MZT2A: variants seen among roughly 807,000 people sequenced by gnomAD.
MZT2A encodes mitotic-spindle organizing protein 2A.
MZT2A carries 8 observed loss-of-function variants against 12.4 expected under a neutral mutation model. That is an observed-to-expected ratio of 0.64 (90% CI 0.38 to 1.16). The LOEUF (loss-of-function observed/expected upper bound fraction) is 1.16, where lower values mean the gene tolerates loss of function less well. MZT2A is among the 50% of genes most tolerant of loss of function. MZT2A has a pLI of 0.01. For missense variants in MZT2A, 181 were observed against 223.6 expected (o/e 0.81, Z 1.22); for synonymous variants, 88 against 107.5 (o/e 0.82, Z 1.12).
chr2:131,489,365 C>G lies in MZT2A; in HGVS notation c.319+2511G>C, dbSNP rs374479805. On this transcript the variant is annotated intron_variant, in intron 2 of 2. Transcript: ENST00000309451. ...GGGCGCCACCACCACGCCCACCTGGCTAGTTTTTTTTTTTTTTGAGATGGA... is the reference window on the plus strand; with the variant it reads ...GGGCGCCACCACCACGCCCACCTGGGTAGTTTTTTTTTTTTTTGAGATGGA... 6.7e-3 allele frequency: 922 copies of G among 138,608 alleles called. 17 individuals carry two copies. Among genetic ancestry groups the G allele is most frequent in the East Asian group, 0.053 (265 of 4,958 alleles). 8.6% of individuals were successfully genotyped at this position (138,608 alleles called of 1,614,324 possible).
intron 4 of MZT2A, chr2:131,470,116 C>T: frequency 4.9e-6 from 2 of 411,402 alleles, no homozygotes; most frequent in East Asian, 1.5e-4. Flanking sequence ...ACAGCATCCT[C>T]TTTCTGAGCT....
chr2:131,490,645 G>A (rs1302961878), intron 2 of MZT2A: 7 of 1,548,918 alleles, frequency 4.5e-6, no homozygotes, highest in African/African-American at 1.4e-5. Context: ...TGGGCCTCTT[G>A]GGGCCATGCA....
At chr2:131,474,785 A>C (rs1282340255) in intron 2 of MZT2A, among the ~76,000 whole-genome samples, 1 of 151,590 alleles carries the variant, frequency 6.6e-6, no homozygotes, top group Admixed American at 6.6e-5. Flanking sequence ...CCTTCAGGTC[A>C]GGAGTTCAAG....
chr2:131,482,937 C>G, downstream of MZT2A: 1 of 1,542,216 alleles, frequency 6.5e-7, no homozygotes, highest in Non-Finnish European at 8.7e-7. Context: ...AAAACCAAGC[C>G]CTCTGTGTGT....
intron 2 of MZT2A, among the ~76,000 whole-genome samples, chr2:131,476,616 T>C (rs1168158980): frequency 2.6e-5 from 4 of 152,152 alleles, no homozygotes; most frequent in Admixed American, 2.0e-4. Context: ...CAGACGCTGC[T>C]GCAACATTGC....
Position 131,492,392 on chromosome 2 carries a change from A to C in MZT2A, c.-16T>G, listed in dbSNP as rs1679369106. 1 of 1,285,090 alleles carries C rather than the reference A, an allele frequency of 7.8e-7. No individual in the cohort carries two copies. Among genetic ancestry groups the C allele is most frequent in the Non-Finnish European group, 9.8e-7 (1 of 1,024,844 alleles). 79.6% of individuals were successfully genotyped at this position (1,285,090 alleles called of 1,614,324 possible). On this transcript the variant is annotated 5_prime_UTR_variant, in exon 1 of 3. Coordinates refer to ENST00000309451, the MANE Select transcript of MZT2A (RefSeq NM_001085365.2). ...GCGCCGCCATCCGCGAGGCCCGCCG[A>C]AAGGTGCGCCCCGCCCCGCCGCGCC...
intron 2 of MZT2A, among the ~76,000 whole-genome samples, chr2:131,487,339 G>C (rs547833356): frequency 4.6e-5 from 7 of 152,112 alleles, no homozygotes; most frequent in East Asian, 3.9e-4. Flanking sequence ...AAATTAGCCA[G>C]GTGTGGTAGT....
At chr2:131,474,405 C>CTTTTTTTT (rs70994777) in intron 2 of MZT2A, among the ~76,000 whole-genome samples, 1 of 94,846 alleles carries the variant, frequency 1.1e-5, no homozygotes, top group Non-Finnish European at 2.0e-5. Context: ...TCTTCTTCTT[C>CTTTTTTTT]TTTTTTTTTT....
chr2:131,493,091 C>A, upstream of MZT2A: 1 of 1,492,932 alleles, frequency 6.7e-7, no homozygotes, highest in African/African-American at 1.4e-5. Flanking sequence ...GGCGCGGTGG[C>A]GGAATGGCGG....
At chr2:131,482,811 C>G (rs1294321851), downstream of MZT2A, 1 of 1,614,170 alleles carries the variant, frequency 6.2e-7, no homozygotes, top group African/African-American at 1.3e-5. Context: ...GGCGTGGATT[C>G]CGTGGAAGCT....
chr2:131,477,798 A>G (rs1220892777), intron 2 of MZT2A, among the ~76,000 whole-genome samples: 1 of 151,980 alleles, frequency 6.6e-6, no homozygotes, highest in Non-Finnish European at 1.5e-5. Context: ...CAACCCGACT[A>G]CCTTATCCTT....
At chr2:131,483,524 G>A (rs956938903), downstream of MZT2A, among the ~76,000 whole-genome samples, 1 of 152,068 alleles carries the variant, frequency 6.6e-6, no homozygotes, top group Admixed American at 6.5e-5. Context: ...GACCATCCTA[G>A]CTAACATGGT....
At chr2:131,474,129 G>C (rs957371385) in intron 2 of MZT2A, among the ~76,000 whole-genome samples, 1 of 147,524 alleles carries the variant, frequency 6.8e-6, no homozygotes, top group Non-Finnish European at 1.5e-5. Context: ...ACAGAGTCTC[G>C]CTGTGTTGCC....
intron 2 of MZT2A, among the ~76,000 whole-genome samples, chr2:131,475,385 A>G (rs370424945): frequency 7.9e-6 from 1 of 127,312 alleles, no homozygotes; most frequent in Non-Finnish European, 1.5e-5. Flanking sequence ...TGGAGTGTGC[A>G]GTGGCCCAAT....
At chr2:131,492,718 A>G (rs1679393570), upstream of MZT2A, 3 of 1,239,936 alleles carry the variant, frequency 2.4e-6, no homozygotes, top group Non-Finnish European at 3.0e-6. Flanking sequence ...CTCAGTCAAT[A>G]CCTGTTTCAA....
At chr2:131,478,325 G>A in intron 2 of MZT2A, 2 of 1,614,002 alleles carry the variant, frequency 1.2e-6, no homozygotes, top group South Asian at 1.1e-5. Context: ...TCTTCAGTGA[G>A]ACTGGAGCTG....
At chr2:131,483,158 CAG>C (rs1453808963), downstream of MZT2A, among the ~76,000 whole-genome samples, 1 of 152,126 alleles carries the variant, frequency 6.6e-6, no homozygotes, top group Admixed American at 6.6e-5. Flanking sequence ...TCTAGGAAAG[CAG>C]AGTCAGGGTT....
At chr2:131,475,557 T>G (rs915812426) in intron 2 of MZT2A, among the ~76,000 whole-genome samples, 1 of 151,958 alleles carries the variant, frequency 6.6e-6, no homozygotes, top group African/African-American at 2.4e-5. Flanking sequence ...TTGGGAACTC[T>G]TGACCTCAGG....
At chr2:131,484,295 G>T in intron 2 of MZT2A, 77 bp from the exon 3 acceptor site, 2 of 1,571,764 alleles carry the variant, frequency 1.3e-6, no homozygotes, top group Non-Finnish European at 1.7e-6. Context: ...CGTGCTCCTT[G>T]GGCAACATTT....
Sources: allele counts gnomAD v4.1 joint callset (sites outside exome capture counted in the v4.1 genomes callset), GRCh38; gene constraint gnomAD v4.1.1; transcripts MANE v1.5; gene names NCBI Gene and HGNC (gene_info 2026-07-23, HGNC 2026-07-21).